PCDH15: variants seen among roughly 807,000 people sequenced by gnomAD.
PCDH15 encodes protocadherin related 15.
A neutral mutation model predicts 178.5 loss-of-function variants in PCDH15; 129 were observed. That is an observed-to-expected ratio of 0.72 (90% CI 0.63 to 0.84). The LOEUF is 0.84. Ranked by LOEUF, PCDH15 falls within the 40% of genes least tolerant of loss-of-function variation. PCDH15 has a pLI of 0.00. For synonymous variants in PCDH15, 800 were observed against 732.0 expected (o/e 1.09, Z -1.50); for missense variants, 2,230 against 2,099.9 (o/e 1.06, Z -1.21).
intron 2 of PCDH15, among the ~76,000 whole-genome samples, chr10:55,326,720 T>G (rs75458996): frequency 6.6e-6 from 1 of 151,806 alleles, no homozygotes; most frequent in East Asian, 1.9e-4. Flanking sequence ...TGACACAAAT[T>G]TAAAGAAAAC....
intron 1 of PCDH15, among the ~76,000 whole-genome samples, chr10:54,685,759 A>G (rs1265146089): frequency 2.0e-5 from 3 of 152,184 alleles, no homozygotes; most frequent in African/African-American, 7.2e-5. Flanking sequence ...GAACACTTGC[A>G]TTAGCTTACA....
intron 25 of PCDH15, among the ~76,000 whole-genome samples, chr10:53,904,917 T>C (rs1292538046): frequency 6.6e-6 from 1 of 150,870 alleles, no homozygotes; most frequent in African/African-American, 2.4e-5. Flanking sequence ...TTTTCAGAAC[T>C]CTTAGAGTGA....
chr10:54,512,540 T>G (rs1012996518), intron 3 of PCDH15, among the ~76,000 whole-genome samples: 1 of 152,154 alleles, frequency 6.6e-6, no homozygotes, highest in Non-Finnish European at 1.5e-5. Flanking sequence ...TTACTACTTC[T>G]GAAAATTTAA....
chr10:55,256,422 G>A (rs1337693321), intron 1 of PCDH15, among the ~76,000 whole-genome samples: 9 of 152,178 alleles, frequency 5.9e-5, no homozygotes, highest in Non-Finnish European at 1.0e-4. Flanking sequence ...GAAGCAGGGC[G>A]AGGCATCGCC....
intron 2 of PCDH15, among the ~76,000 whole-genome samples, chr10:55,028,135 C>T (rs10825441): frequency 0.57 from 86,306 of 151,468 alleles, 24,910 homozygotes; most frequent in East Asian, 0.75. Context: ...TCTCCTTAAC[C>T]CTCAGGTTAA....
chr10:54,229,057 C>A (rs1224408268), intron 9 of PCDH15, among the ~76,000 whole-genome samples: 1 of 152,118 alleles, frequency 6.6e-6, no homozygotes, highest in Non-Finnish European at 1.5e-5. Context: ...GAATAAATAG[C>A]TGAGAAATAT....
At chr10:55,588,158 T>C (rs1842765352) in intron 2 of PCDH15, among the ~76,000 whole-genome samples, 1 of 152,176 alleles carries the variant, frequency 6.6e-6, no homozygotes, top group South Asian at 2.1e-4. Context: ...TAGGCCTCTG[T>C]CACCTTATTA....
At chr10:55,062,659 GAC>G (rs1301745605) in intron 2 of PCDH15, among the ~76,000 whole-genome samples, 5 of 152,108 alleles carry the variant, frequency 3.3e-5, no homozygotes, top group Non-Finnish European at 7.4e-5. Flanking sequence ...TATAATGGTA[GAC>G]ACATGTCAAT....
At chr10:54,950,425 T>C (rs61856266) in intron 2 of PCDH15, among the ~76,000 whole-genome samples, 24,765 of 151,824 alleles carry the variant, frequency 0.16, 2,224 homozygotes, top group East Asian at 0.24. Context: ...GAATGAGTCT[T>C]ACAAGATCTG....
intron 2 of PCDH15, among the ~76,000 whole-genome samples, chr10:54,931,071 T>C (rs1420476184): frequency 6.6e-6 from 1 of 152,168 alleles, no homozygotes; most frequent in African/African-American, 2.4e-5. Flanking sequence ...AACTATACTT[T>C]AGGACCATTT....
chr10:54,171,764 T>G (rs1361693800), intron 13 of PCDH15, among the ~76,000 whole-genome samples: 1 of 152,080 alleles, frequency 6.6e-6, no homozygotes, highest in African/African-American at 2.4e-5. Flanking sequence ...TTTCTCCTTC[T>G]GTTATTCCAT....
intron 3 of PCDH15, among the ~76,000 whole-genome samples, chr10:54,831,860 T>C (rs1252946495): frequency 1.3e-5 from 2 of 152,080 alleles, no homozygotes; most frequent in East Asian, 1.9e-4. Flanking sequence ...GTATAAAGAC[T>C]TTACTAAACA....
intron 22 of PCDH15, 142 bp from the exon 23 acceptor site, chr10:53,959,986 T>G (rs2088117594): frequency 1.4e-6 from 1 of 699,522 alleles, no homozygotes; most frequent in Admixed American, 2.1e-5. Flanking sequence ...GCCTACCAGG[T>G]GGCAGACACT....
rs186427539 is a variant in PCDH15 at position 54,882,796 on chromosome 10, G to T, written c.-29+14654C>A. On this transcript the variant is annotated intron_variant, in intron 3 of 5. Transcript: ENST00000458638. ...CTAATTAAAAATATAGCAACCCAAAGATCTCTTGGTACAGTCTTGGCAGTT... is the reference window on the plus strand; with the variant it reads ...CTAATTAAAAATATAGCAACCCAAATATCTCTTGGTACAGTCTTGGCAGTT... Among the ~76,000 whole-genome samples the T allele has an allele frequency of 3.8e-4, 58 of 152,064 alleles. 1 individual carries two copies. Among genetic ancestry groups the T allele is most frequent in the Middle Eastern group, 3.4e-3 (1 of 294 alleles).
intron 1 of PCDH15, among the ~76,000 whole-genome samples, chr10:54,752,531 A>C (rs1175567088): frequency 4.9e-5 from 2 of 40,884 alleles, no homozygotes; most frequent in East Asian, 5.4e-4. Flanking sequence ...CAAACAAACA[A>C]AAAAAAACAA....
intron 2 of PCDH15, among the ~76,000 whole-genome samples, chr10:55,051,604 A>T (rs1279194905): frequency 6.6e-6 from 1 of 152,112 alleles, no homozygotes; most frequent in Non-Finnish European, 1.5e-5. Flanking sequence ...CAAGTTTGAG[A>T]CTATTGTCTG....
At chr10:54,926,972 T>C (rs1837645080) in intron 2 of PCDH15, among the ~76,000 whole-genome samples, 1 of 152,114 alleles carries the variant, frequency 6.6e-6, no homozygotes, top group Non-Finnish European at 1.5e-5. Flanking sequence ...AGTTCCAATT[T>C]TGGTAATTTC....
At chr10:54,283,025 A>G (rs2058798166) in intron 8 of PCDH15, among the ~76,000 whole-genome samples, 1 of 152,134 alleles carries the variant, frequency 6.6e-6, no homozygotes, top group Non-Finnish European at 1.5e-5. Flanking sequence ...AAAAAAGAGT[A>G]GGGATATATA....
chr10:53,985,608 T>C (rs2091040207), intron 21 of PCDH15, among the ~76,000 whole-genome samples: 1 of 152,080 alleles, frequency 6.6e-6, no homozygotes, highest in Non-Finnish European at 1.5e-5. Context: ...AACAGAATAC[T>C]TGGGTCCAGT....
Sources: gnomAD v4.1 joint callset for allele counts (sites outside exome capture counted in the v4.1 genomes callset) on GRCh38, gnomAD v4.1.1 for gene constraint, MANE v1.5 for transcripts, NCBI Gene and HGNC (gene_info 2026-07-23, HGNC 2026-07-21) for gene names.